The following RNF17 variants were observed in gnomAD, a reference collection of about 807,000 sequenced individuals.
RNF17 encodes spermatogenesis associated 23.
In RNF17, 31 loss-of-function variants were observed where a neutral mutation model predicts 200.5. The observed-to-expected ratio is 0.15, with a 90% CI of 0.12 to 0.21. The LOEUF (loss-of-function observed/expected upper bound fraction) is 0.21, where lower values mean the gene tolerates loss of function less well. Ranked by LOEUF, RNF17 falls within the 10% of genes least tolerant of loss-of-function variation. The pLI, the probability that RNF17 is intolerant of heterozygous loss-of-function variation, is 1.00. For synonymous variants in RNF17, 606 were observed against 637.8 expected, an observed-to-expected ratio of 0.95 and a Z score of 0.75; for missense variants, 1,628 against 1,905.1, an observed-to-expected ratio of 0.85 and a Z score of 2.71.
intron 15 of RNF17, among the ~76,000 whole-genome samples, chr13:24,819,598 A>T (rs1285488195): frequency 1.3e-5 from 2 of 152,214 alleles, no homozygotes; most frequent in African/African-American, 2.4e-5. Flanking sequence ...ATCCAATATG[A>T]GTTAATACCA....
chr13:24,827,215 G>A (rs1356644809), intron 16 of RNF17, among the ~76,000 whole-genome samples: 32 of 152,090 alleles, frequency 2.1e-4, no homozygotes, highest in Admixed American at 2.1e-3. Flanking sequence ...TTACAGGCAT[G>A]AGCCACTGTG....
chr13:24,883,267 A>G, downstream of RNF17: 1 of 1,613,832 alleles, frequency 6.2e-7, no homozygotes, highest in Non-Finnish European at 8.5e-7. Context: ...GACCGTTTGC[A>G]TATACGGTTT....
intron 16 of RNF17, among the ~76,000 whole-genome samples, chr13:24,827,291 T>A (rs2089630696): frequency 6.8e-6 from 1 of 147,568 alleles, no homozygotes; most frequent in African/African-American, 2.6e-5. Context: ...TAAGGTAATC[T>A]AAGATCTTTA....
Position 24,843,820 on chromosome 13 carries a change from G to A in RNF17, c.2680G>A (p.Val894Ile). The A allele has an allele frequency of 1.9e-6, 3 of 1,610,482 alleles. No individual in the cohort carries two copies. Among genetic ancestry groups the A allele is most frequent in the Non-Finnish European group, 1.7e-6 (2 of 1,177,718 alleles). ...TCCAGAAGAAATTATTTCAAATGAAGTACACAACTTAAATCCTGTGTCTGC... is the reference window on the plus strand; with the variant it reads ...TCCAGAAGAAATTATTTCAAATGAAATACACAACTTAAATCCTGTGTCTGC... ...PSPEEIISNE[V>I]HNLNPVSAKS... The change falls in exon 20 of 36, where the codon GTA becomes ATA. Residue 894 changes from valine to isoleucine, a missense_variant. Val to Ile is a conservative substitution (Grantham distance 29). Transcript: ENST00000255324.
the RNF17 span, chr13:24,751,283 G>A: frequency 1.4e-5 from 2 of 147,510 alleles, no homozygotes; most frequent in Admixed American, 1.4e-4. Context: ...CTATTATATA[G>A]GTTTTCTGAT....
At chr13:24,748,808 G>A in the RNF17 span, among the ~76,000 whole-genome samples, 1 of 151,636 alleles carries the variant, frequency 6.6e-6, no homozygotes, top group Non-Finnish European at 1.5e-5. Flanking sequence ...TGCAACGAAC[G>A]GCGTGATCTT....
At chr13:24,885,763 A>G in the RNF17 span, 6 of 885,704 alleles carry the variant, frequency 6.8e-6, no homozygotes, top group South Asian at 6.9e-5. Flanking sequence ...TATCCTGTGA[A>G]CTGCTGTCCT....
At chr13:24,886,446 T>G in the RNF17 span, 2 of 944,246 alleles carry the variant, frequency 2.1e-6, no homozygotes, top group East Asian at 6.1e-5. Context: ...GGTCCCAAAC[T>G]GCCACACATC....
chr13:24,862,756 A>T lies in RNF17; in HGVS notation c.3938A>T (p.Gln1313Leu), dbSNP rs751664525. The T allele has an allele frequency of 6.2e-7, 1 of 1,609,278 alleles. No individual in the cohort carries two copies. Among genetic ancestry groups the T allele is most frequent in the South Asian group, 1.1e-5 (1 of 90,924 alleles). ...WQPDAIEVLQ[Q>L]LLSKRQVDIH... ...CCAGATGCAATAGAAGTTCTTCAAC[A>T]ACTGCTTTCAAAGAGACAGGTGGAC... Residue 1313 changes from glutamine to leucine, a missense_variant, in exon 28 of 36, where the codon CAA becomes CTA. Transcript: ENST00000255324.
chr13:24,877,812 C>CAA (rs1895013902), intron 34 of RNF17, among the ~76,000 whole-genome samples: 1 of 152,126 alleles, frequency 6.6e-6, no homozygotes. Flanking sequence ...GTCAAAAGGT[C>CAA]AACTAAAAAA....
chr13:24,826,850 C>G (rs945385046), intron 16 of RNF17, among the ~76,000 whole-genome samples: 1 of 151,724 alleles, frequency 6.6e-6, no homozygotes, highest in Non-Finnish European at 1.5e-5. Flanking sequence ...CACCTGAGGT[C>G]GGGAGTTCGA....
chr13:24,826,294 A>AT (rs1353581563), intron 16 of RNF17, among the ~76,000 whole-genome samples: 3 of 152,204 alleles, frequency 2.0e-5, no homozygotes, highest in African/African-American at 7.2e-5. Flanking sequence ...AAGACAGAAG[A>AT]TTTATGAAAA....
At chr13:24,886,985 C>T in the RNF17 span, among the ~76,000 whole-genome samples, 8 of 152,204 alleles carry the variant, frequency 5.3e-5, no homozygotes, top group African/African-American at 1.9e-4. Flanking sequence ...GGTGCAAGCA[C>T]ACTGTCTAGA....
chr13:24,778,505 A>G, intron 4 of RNF17, 99 bp downstream of exon 4: 1 of 804,910 alleles, frequency 1.2e-6, no homozygotes, highest in Non-Finnish European at 2.1e-6. Flanking sequence ...ATTCTTTTGG[A>G]AGTTTATACG....
intron 9 of RNF17, among the ~76,000 whole-genome samples, chr13:24,792,389 T>C (rs112643099): frequency 6.6e-6 from 1 of 152,100 alleles, no homozygotes; most frequent in African/African-American, 2.4e-5. Context: ...GATACTAAAA[T>C]TTAAAGCAGA....
At chr13:24,844,340 A>G (rs1426550363) in intron 20 of RNF17, among the ~76,000 whole-genome samples, 2 of 152,176 alleles carry the variant, frequency 1.3e-5, no homozygotes, top group African/African-American at 2.4e-5. Context: ...GAAATAGAAA[A>G]AACTAAAGCA....
rs1883354369 is a variant in RNF17, at chr13:24,788,091, G to A, written c.715G>A (p.Ala239Thr). The A allele has an allele frequency of 6.3e-7, 1 of 1,597,912 alleles. No individual in the cohort carries two copies. Among genetic ancestry groups the A allele is most frequent in the Non-Finnish European group, 8.5e-7 (1 of 1,174,970 alleles). Reference sequence around the variant, plus strand: ...TGAAGAGAAAAAAAATAATTTGAATGCAGCTATGAACATAGCAAGAGCATT... The same window carrying A: ...TGAAGAGAAAAAAAATAATTTGAATACAGCTATGAACATAGCAAGAGCATT... ...YIEEKKNNLN[A>T]AMNIARALQL... Residue 239 changes from alanine to threonine, a missense_variant, in exon 7 of 36, where the codon GCA (alanine) becomes ACA (threonine). This residue lies in a region of RNF17 where 502 missense variants were observed against 501.7 expected (regional missense o/e 1.00). Coordinates refer to ENST00000255324, the MANE Select transcript of RNF17 (RefSeq NM_031277.3).
Position 24,851,462 on chromosome 13 carries a change from A to G in RNF17, c.3211A>G (p.Asn1071Asp). ...TGCTCTTAAATCACTACAGGAAAAC[A>G]ACACAACATGGCCATTACCTGTGAA... ...IILQVDSEEN[N>D]TTWPLPVKIF... Residue 1071 changes from asparagine (N) to aspartate (D), a missense_variant, in exon 24 of 36, where the codon AAC (asparagine) becomes GAC (aspartate). By Grantham distance (23) the Asn-to-Asp change is conservative. This residue lies in a region of RNF17 where 609 missense variants were observed against 681.9 expected (regional missense o/e 0.89). Transcript: ENST00000255324. 6.2e-7 allele frequency: 1 copy of G among 1,609,248 alleles called. No homozygotes were observed. The highest frequency in any genetic ancestry group is 1.7e-4 in the Middle Eastern group (1 of 6,050).
intron 18 of RNF17, among the ~76,000 whole-genome samples, chr13:24,838,950 A>T (rs1890315569): frequency 6.6e-6 from 1 of 152,212 alleles, no homozygotes; most frequent in African/African-American, 2.4e-5. Flanking sequence ...AGGCTCCTAG[A>T]ACTGATAAAA....
Sources: gnomAD v4.1 joint callset for allele counts (sites outside exome capture counted in the v4.1 genomes callset) on GRCh38, gnomAD v4.1.1 for gene constraint, gnomAD v4.1.1 regional missense constraint, MANE v1.5 for transcripts, NCBI Gene and HGNC (gene_info 2026-07-23, HGNC 2026-07-21) for gene names.